Variants in TRIM71 observed in about 807,000 individuals in gnomAD.
TRIM71 encodes E3 ubiquitin-protein ligase TRIM71.
A neutral mutation model predicts 61.2 loss-of-function variants in TRIM71; 9 were observed. That is an observed-to-expected ratio of 0.15 (90% confidence interval 0.09 to 0.26). The LOEUF (loss-of-function observed/expected upper bound fraction) is 0.26, where lower values mean the gene tolerates loss of function less well. TRIM71 is among the 10% of genes least tolerant of loss of function. The probability of loss-of-function intolerance (pLI) is 1.00; values close to 1 mark genes in which losing one functional copy is unlikely to be tolerated. For missense variants in TRIM71, 998 were observed against 1,238.7 expected, an observed-to-expected ratio of 0.81 and a Z score of 2.92; for synonymous variants, 645 against 553.2, an observed-to-expected ratio of 1.17 and a Z score of -2.33.
At chr3:32,835,258 T>C (rs1460334511) in intron 1 of TRIM71, among the ~76,000 whole-genome samples, 1 of 152,166 alleles carries the variant, frequency 6.6e-6, no homozygotes, top group African/African-American at 2.4e-5. Flanking sequence ...GGGGGCAGAA[T>C]GTCCAAGGTG....
rs2125694120 is a variant in TRIM71 at position 32,892,675 on chromosome 3, C to T, written c.*864C>T. 1 of 152,190 alleles carries T rather than the reference C, an allele frequency of 6.6e-6. No individual in the cohort carries two copies. The highest frequency in any genetic ancestry group is 1.9e-4 in the East Asian group (1 of 5,184). 9.4% of individuals were successfully genotyped at this position (152,190 alleles called of 1,614,324 possible). On this transcript the variant is annotated 3_prime_UTR_variant, in exon 4 of 4. Transcript: ENST00000383763. Reference sequence around the variant, plus strand: ...ACCTCTCCTTTTCACACTTTGGTTTCTTAAAAAAGTATATAGATGGTAGCT... The same window carrying T: ...ACCTCTCCTTTTCACACTTTGGTTTTTTAAAAAAGTATATAGATGGTAGCT...
Position 32,895,758 on chromosome 3 carries a change from C to T in TRIM71, c.*3947C>T, listed in dbSNP as rs1312546633. The T allele has an allele frequency of 2.6e-5, 4 of 152,216 alleles. No homozygotes were observed. Among genetic ancestry groups the T allele is most frequent in the Non-Finnish European group, 5.9e-5 (4 of 68,062 alleles). The allele number at this position is 152,216 out of a possible 1,614,324, so 9.4% of individuals were successfully genotyped here. A position where few individuals can be genotyped will look rare whatever the true frequency, so the allele number is the denominator to read the frequency against. The stretch of plus-strand genomic sequence containing the variant: ...GAGCTCTACGGCTTTCTCTGGTTTT[C>T]TATAGGGCCAAGGGCACAGGACGCA... On this transcript the variant is annotated 3_prime_UTR_variant, in exon 4 of 4. Coordinates refer to ENST00000383763, the MANE Select transcript of TRIM71 (RefSeq NM_001039111.3).
intron 1 of TRIM71, among the ~76,000 whole-genome samples, chr3:32,857,996 A>G (rs908121094): frequency 2.0e-5 from 3 of 150,574 alleles, no homozygotes; most frequent in Non-Finnish European, 2.9e-5. Flanking sequence ...ACACAAAAAG[A>G]AGAAGAAAAC....
At chr3:32,847,795 C>G (rs1377623504) in intron 1 of TRIM71, among the ~76,000 whole-genome samples, 2 of 152,082 alleles carry the variant, frequency 1.3e-5, no homozygotes, top group Non-Finnish European at 2.9e-5. Flanking sequence ...TTAGCTGGCT[C>G]TCAATATGGG....
chr3:32,843,814 A>G (rs560560783), intron 1 of TRIM71, among the ~76,000 whole-genome samples: 3 of 152,218 alleles, frequency 2.0e-5, no homozygotes, highest in African/African-American at 4.8e-5. Flanking sequence ...GCTTTCTGGG[A>G]AGGTGCAGAG....
At chr3:32,846,816 T>G (rs972000015) in intron 1 of TRIM71, among the ~76,000 whole-genome samples, 4 of 152,198 alleles carry the variant, frequency 2.6e-5, no homozygotes, top group Non-Finnish European at 5.9e-5. Flanking sequence ...CTTGTTTCAC[T>G]TAGCATAATA....
chr3:32,846,315 T>C (rs923351834), intron 1 of TRIM71, among the ~76,000 whole-genome samples: 4 of 152,170 alleles, frequency 2.6e-5, no homozygotes, highest in Non-Finnish European at 5.9e-5. Flanking sequence ...GACCTTGTGA[T>C]CCACACGCCT....
intron 1 of TRIM71, among the ~76,000 whole-genome samples, chr3:32,873,593 C>G (rs1029504345): frequency 2.0e-5 from 3 of 152,184 alleles, no homozygotes; most frequent in African/African-American, 7.2e-5. Context: ...GTGTTCCCCC[C>G]TCCATTCCCC....
At chr3:32,868,468 A>G (rs1313521213) in intron 1 of TRIM71, among the ~76,000 whole-genome samples, 2 of 152,222 alleles carry the variant, frequency 1.3e-5, no homozygotes, top group African/African-American at 4.8e-5. Context: ...TTACAATTTT[A>G]TTAGCCTATA....
At chr3:32,859,300 G>T (rs566731586) in intron 1 of TRIM71, among the ~76,000 whole-genome samples, 28 of 152,112 alleles carry the variant, frequency 1.8e-4, no homozygotes, top group Non-Finnish European at 3.7e-4. Flanking sequence ...TCGCTTTATT[G>T]CCTGGGTGGA....
chr3:32,835,570 A>G (rs1478393306), intron 1 of TRIM71, among the ~76,000 whole-genome samples: 4 of 152,184 alleles, frequency 2.6e-5, no homozygotes, highest in African/African-American at 9.6e-5. Context: ...AGAATTCACA[A>G]CACTTGTCAT....
intron 2 of TRIM71, among the ~76,000 whole-genome samples, chr3:32,878,125 A>C (rs1411070944): frequency 6.6e-6 from 1 of 152,258 alleles, no homozygotes; most frequent in Admixed American, 6.5e-5. Context: ...ATAAGACTTG[A>C]AAGTTGAAAC....
At chr3:32,829,758 G>C (rs1034563205) in intron 1 of TRIM71, among the ~76,000 whole-genome samples, 2 of 151,974 alleles carry the variant, frequency 1.3e-5, no homozygotes, top group African/African-American at 4.8e-5. Flanking sequence ...AAATGGGAAT[G>C]CTGAGGCCTG....
intron 1 of TRIM71, among the ~76,000 whole-genome samples, chr3:32,863,093 G>T (rs1005188799): frequency 8.6e-5 from 13 of 151,820 alleles, no homozygotes; most frequent in Admixed American, 8.5e-4. Context: ...TATGAAGAGT[G>T]CTGCGCTGTG....
chr3:32,860,819 A>G (rs1297414289), intron 1 of TRIM71, among the ~76,000 whole-genome samples: 1 of 152,200 alleles, frequency 6.6e-6, no homozygotes, highest in African/African-American at 2.4e-5. Context: ...AGGTGTCTGC[A>G]GGGTAGGTTT....
intron 2 of TRIM71, among the ~76,000 whole-genome samples, chr3:32,877,474 G>C (rs560126155): frequency 3.1e-4 from 47 of 151,502 alleles, no homozygotes; most frequent in African/African-American, 1.1e-3. Context: ...CCTTTCTTTG[G>C]CCTCCCACGT....
chr3:32,869,217 T>C (rs900156586), intron 1 of TRIM71, among the ~76,000 whole-genome samples: 1 of 152,150 alleles, frequency 6.6e-6, no homozygotes, highest in Admixed American at 6.5e-5. Flanking sequence ...TCAGAAACCC[T>C]CTTGGGTGGG....
At chr3:32,861,265 C>T (rs1432568853) in intron 1 of TRIM71, among the ~76,000 whole-genome samples, 2 of 151,160 alleles carry the variant, frequency 1.3e-5, no homozygotes, top group Admixed American at 6.6e-5. Context: ...GCAACCTCCG[C>T]CTCCAGGTTC....
Position 32,897,591 on chromosome 3 carries a change from G to T in TRIM71, c.*5780G>T, listed in dbSNP as rs147772505. On this transcript the variant is annotated 3_prime_UTR_variant, in exon 4 of 4. Transcript: ENST00000383763. ...CTATTGCAGGCCGCAGGCATGACAGGCAATGAGCAGGTGAAGAACCAATGG... is the reference window on the plus strand; with the variant it reads ...CTATTGCAGGCCGCAGGCATGACAGTCAATGAGCAGGTGAAGAACCAATGG... 2 of 152,138 alleles carry T rather than the reference G, an allele frequency of 1.3e-5. No homozygotes were observed. Among genetic ancestry groups the T allele is most frequent in the South Asian group, 2.1e-4 (1 of 4,826 alleles). The allele number at this position is 152,138 out of a possible 1,614,324, so 9.4% of individuals were successfully genotyped here.
Sources: allele counts gnomAD v4.1 joint callset (sites outside exome capture counted in the v4.1 genomes callset), GRCh38; gene constraint gnomAD v4.1.1; transcripts MANE v1.5; gene names NCBI Gene and HGNC (gene_info 2026-07-23, HGNC 2026-07-21).